The following KMO variants were observed in gnomAD, a reference collection of about 807,000 sequenced individuals.
The protein encoded by KMO is kynurenine 3-monooxygenase.
In KMO, 24 loss-of-function variants were observed where a neutral mutation model predicts 57.8. The ratio of observed to expected loss-of-function variants is 0.42; its 90% CI spans 0.30 to 0.58. KMO has a LOEUF of 0.58. Ranked by LOEUF, KMO falls within the 20% of genes least tolerant of loss-of-function variation. The pLI is 0.22. For synonymous variants in KMO, 210 were observed against 193.6 expected, an observed-to-expected ratio of 1.08 and a Z score of -0.70; for missense variants, 483 against 588.2, an observed-to-expected ratio of 0.82 and a Z score of 1.85.
At chr1:241,548,794 A>C in intron 1 of KMO, 35 bp from the exon 2 acceptor site, 2 of 1,294,898 alleles carry the variant, frequency 1.5e-6, no homozygotes, top group Admixed American at 1.7e-5. Context: ...TATTTGTGGA[A>C]TCAGATAAAT....
intron 1 of KMO, among the ~76,000 whole-genome samples, chr1:241,543,677 A>G (rs1004611184): frequency 2.0e-5 from 3 of 152,186 alleles, no homozygotes; most frequent in African/African-American, 7.2e-5. Flanking sequence ...GTGAATATCC[A>G]ACTTGAAAAG....
chr1:241,542,140 G>T (rs1239948202), intron 1 of KMO, among the ~76,000 whole-genome samples: 1 of 151,834 alleles, frequency 6.6e-6, no homozygotes, highest in Non-Finnish European at 1.5e-5. Context: ...TTCAATGTAA[G>T]ATTCAAGGGT....
At chr1:241,563,838 C>A (rs1359281538) in intron 7 of KMO, among the ~76,000 whole-genome samples, 1 of 152,108 alleles carries the variant, frequency 6.6e-6, no homozygotes, top group Non-Finnish European at 1.5e-5. Flanking sequence ...CTCTATTTTT[C>A]TTTGTGTCTT....
chr1:241,573,710 A>G (rs1440144628), intron 10 of KMO, among the ~76,000 whole-genome samples: 1 of 152,092 alleles, frequency 6.6e-6, no homozygotes, highest in Non-Finnish European at 1.5e-5. Context: ...CAGTAATGTG[A>G]TGCCTCCAGA....
chr1:241,556,015 G>A (rs1661606985), intron 5 of KMO, among the ~76,000 whole-genome samples: 2 of 152,118 alleles, frequency 1.3e-5, no homozygotes, highest in African/African-American at 4.8e-5. Context: ...AGCCAGGGAG[G>A]TCGAGGCTAC....
chr1:241,558,448 C>T (rs534714191), intron 5 of KMO, among the ~76,000 whole-genome samples: 20 of 152,296 alleles, frequency 1.3e-4, no homozygotes, highest in African/African-American at 4.6e-4. Flanking sequence ...TCTCATTTCT[C>T]CCTAACTGCA....
In KMO at chr1:241,595,021, G is replaced by C; in HGVS notation, c.*2868G>C. On this transcript the variant is annotated 3_prime_UTR_variant, in exon 15 of 15. Transcript: ENST00000366559. ...AAGTTAGTCCACAAATATTCAGTGG[G>C]CATCTACTAGGTGACAGCCACTGTG... 4.8e-6 allele frequency: 1 copy of C among 206,672 alleles called. No individual in the cohort carries two copies. The highest frequency in any genetic ancestry group is 9.6e-6 in the Non-Finnish European group (1 of 103,950). 12.8% of individuals were successfully genotyped at this position (206,672 alleles called of 1,614,324 possible).
rs1177404666 is a variant in KMO at position 241,549,242 on chromosome 1, A to T, written c.124+344A>T. ...GAAAGAAAGAAAGAAAGAAAGAAAG[A>T]AAGAAAGAAAGAAAGAAAGAAAGAA... On this transcript the variant is annotated intron_variant, in intron 2 of 14. Coordinates refer to ENST00000366559, the MANE Select transcript of KMO (RefSeq NM_003679.5). Among the ~76,000 whole-genome samples, 102 of 17,072 alleles carry T rather than the reference A, an allele frequency of 6.0e-3. 1 individual carries two copies. The highest frequency in any genetic ancestry group is 0.038 in the Middle Eastern group (1 of 26). 11.2% of individuals were successfully genotyped at this position (17,072 alleles called of 152,430 possible).
chr1:241,547,131 G>T lies in KMO; in HGVS notation c.55-1698G>T, dbSNP rs902145297. On this transcript the variant is annotated intron_variant, in intron 1 of 14. Coordinates refer to ENST00000366559, the MANE Select transcript of KMO (RefSeq NM_003679.5). The stretch of plus-strand genomic sequence containing the variant: ...CAGCCTATATAAAGCTACTGGTAGG[G>T]CAACACTCTAAAGCTTTAAAAAGAC... Among the ~76,000 whole-genome samples the T allele has an allele frequency of 3.3e-5, 5 of 151,996 alleles. No individual in the cohort carries two copies. In the South Asian group the frequency reaches 6.2e-4, roughly 19 times the overall value.
chr1:241,555,685 G>A (rs780902085), intron 5 of KMO, 25 bp downstream of exon 5: 1 of 1,440,568 alleles, frequency 6.9e-7, no homozygotes, highest in Non-Finnish European at 9.7e-7. Context: ...TGATTCATCA[G>A]TTGTCATTTT....
chr1:241,553,691 A>G (rs1251128585), intron 4 of KMO, among the ~76,000 whole-genome samples: 1 of 152,164 alleles, frequency 6.6e-6, no homozygotes, highest in African/African-American at 2.4e-5. Context: ...TGTCTCAAAA[A>G]TTTTTTAAAA....
chr1:241,566,923 A>G (rs1310931708), intron 9 of KMO, among the ~76,000 whole-genome samples: 4 of 152,122 alleles, frequency 2.6e-5, no homozygotes, highest in Admixed American at 2.6e-4. Flanking sequence ...ACTTTTTTCT[A>G]CTGGTAGATA....
intron 7 of KMO, among the ~76,000 whole-genome samples, chr1:241,564,343 C>G (rs1661995365): frequency 6.6e-6 from 1 of 152,052 alleles, no homozygotes; most frequent in Non-Finnish European, 1.5e-5. Context: ...GTCAATTGAT[C>G]TACCCAAGCA....
At chr1:241,573,881 G>A (rs1013110593) in intron 10 of KMO, among the ~76,000 whole-genome samples, 9 of 151,970 alleles carry the variant, frequency 5.9e-5, no homozygotes, top group African/African-American at 2.2e-4. Flanking sequence ...TAACAATATT[G>A]TATCTTCCAA....
chr1:241,536,431 C>A, intron 1 of KMO: 1 of 822,746 alleles, frequency 1.2e-6, no homozygotes, highest in Non-Finnish European at 1.5e-6. Context: ...CCTTAAGACT[C>A]AGAAAATACT....
chr1:241,578,857 A>G (rs1397882997), intron 10 of KMO, among the ~76,000 whole-genome samples: 1 of 152,112 alleles, frequency 6.6e-6, no homozygotes. Context: ...GAGGCCTCAC[A>G]ATTATGGTGG....
intron 14 of KMO, among the ~76,000 whole-genome samples, chr1:241,590,798 C>G (rs1382362561): frequency 6.6e-6 from 1 of 152,148 alleles, no homozygotes; most frequent in Admixed American, 6.6e-5. Context: ...ATGAACATGA[C>G]CAGTTCACAC....
intron 14 of KMO, 177 bp downstream of exon 14, chr1:241,590,440 C>A: frequency 1.8e-6 from 1 of 548,906 alleles, no homozygotes; most frequent in Non-Finnish European, 3.2e-6. Context: ...AAAAACATTA[C>A]AAGGAGGTGG....
rs767242522 is a variant in KMO at position 241,588,864 on chromosome 1, T to C, written c.1098+34T>C. On this transcript the variant is annotated intron_variant, in intron 12 of 14. Transcript: ENST00000366559. ...GAAGGTTTGGCTTTATTCCATGAGA[T>C]GGTTCACTGATATTCTAACAAGTGT... is the stretch of plus-strand genomic sequence containing the variant. 3.5e-6 allele frequency: 5 copies of C among 1,421,140 alleles called. No individual in the cohort carries two copies. The African/African-American group carries it at 5.6e-5, about 16-fold the overall frequency. The allele number at this position is 1,421,140 out of a possible 1,614,324, so 88.0% of individuals were successfully genotyped here. A position where few individuals can be genotyped will look rare whatever the true frequency, so the allele number is the denominator to read the frequency against.
Sources: gnomAD v4.1 joint callset for allele counts (sites outside exome capture counted in the v4.1 genomes callset) on GRCh38, gnomAD v4.1.1 for gene constraint, MANE v1.5 for transcripts, NCBI Gene and HGNC (gene_info 2026-07-23, HGNC 2026-07-21) for gene names.